ACTN2: variants seen among roughly 807,000 people sequenced by gnomAD.
The protein encoded by ACTN2 is actinin alpha 2, also known as alpha-actinin-2.
In ACTN2, 39 loss-of-function variants were observed where a neutral mutation model predicts 113.8. The ratio of observed to expected loss-of-function variants is 0.34; its 90% CI spans 0.27 to 0.45. ACTN2 has a LOEUF of 0.45. Among genes scored for constraint, ACTN2 ranks in the 20% least tolerant of loss-of-function variants. The pLI, the probability that ACTN2 is intolerant of heterozygous loss-of-function variation, is 1.00. For missense variants in ACTN2, 992 were observed against 1,177.9 expected (o/e 0.84, Z 2.31); for synonymous variants, 429 against 444.1 (o/e 0.97, Z 0.43).
rs1658381320 is a variant in ACTN2, at chr1:236,721,078, AGTTC to A, written c.448+888_448+891del. ...AGTCTCACTCTGGCACCCAGGCTGG[AGTTC>A]AGTGGCGCGATCTTGGCTCACTGCA... On this transcript the variant is annotated intron_variant, in intron 4 of 20. Coordinates refer to ENST00000366578, the MANE Select transcript of ACTN2 (RefSeq NM_001103.4). 9.6e-5 allele frequency among the ~76,000 whole-genome samples: 11 copies of A among 114,348 alleles called. No individual in the cohort carries two copies. The Admixed American group carries it at 1.1e-3, about 12-fold the overall frequency. The allele number at this position is 114,348 out of a possible 152,430, so 75.0% of individuals were successfully genotyped here. A position where few individuals can be genotyped will look rare whatever the true frequency, so the allele number is the denominator to read the frequency against.
chr1:236,710,736 C>T (rs550818959), intron 1 of ACTN2, among the ~76,000 whole-genome samples: 9 of 152,290 alleles, frequency 5.9e-5, no homozygotes, highest in South Asian at 4.1e-4. Context: ...ACCTGAACTC[C>T]GCCTCCTGTC....
At chr1:236,743,296 ATAAGGCC>A (rs1659128934) in intron 11 of ACTN2, among the ~76,000 whole-genome samples, 1 of 152,208 alleles carries the variant, frequency 6.6e-6, no homozygotes, top group Admixed American at 6.5e-5. Flanking sequence ...ACCTACCTAC[ATAAGGCC>A]TGGCCTCCTT....
chr1:236,692,237 T>C (rs1416776727), intron 1 of ACTN2, among the ~76,000 whole-genome samples: 1 of 152,198 alleles, frequency 6.6e-6, no homozygotes, highest in East Asian at 1.9e-4. Context: ...AATAACCACA[T>C]GTTGTTCCAC....
At chr1:236,701,945 G>A (rs1338173901) in intron 1 of ACTN2, among the ~76,000 whole-genome samples, 2 of 152,166 alleles carry the variant, frequency 1.3e-5, no homozygotes, top group Non-Finnish European at 2.9e-5. Flanking sequence ...TAGGGAAGCA[G>A]GAAAAATCAT....
intron 19 of ACTN2, 79 bp from the exon 20 acceptor site, chr1:236,760,936 C>T (rs1366962329): frequency 6.4e-7 from 1 of 1,570,188 alleles, no homozygotes; most frequent in East Asian, 2.2e-5. Context: ...ATTGGCATGT[C>T]ACCAGGGAAA....
At chr1:236,749,036 A>C in intron 13 of ACTN2, 88 bp from the exon 14 acceptor site, 1 of 1,388,004 alleles carries the variant, frequency 7.2e-7, no homozygotes. Flanking sequence ...ATATCAGAGA[A>C]TAGTCTGTTC....
chr1:236,755,225 G>T, intron 17 of ACTN2, 27 bp downstream of exon 17: 5 of 1,613,596 alleles, frequency 3.1e-6, no homozygotes, highest in Non-Finnish European at 4.2e-6. Flanking sequence ...GGCGTGTGCC[G>T]CTCACTTCTC....
rs1057460296 is a variant in ACTN2, at chr1:236,747,767, G to A, written c.1507G>A (p.Ala503Thr). Residue 503 changes from alanine to threonine, a missense_variant, in exon 13 of 21, where the codon GCC (alanine) becomes ACC (threonine). Around this residue, in one of 3 missense-constraint regions of ACTN2, gnomAD observed 736 missense variants for 815.4 expected, o/e 0.90. Transcript: ENST00000366578. ...AACGCTTACTCAGAAGAGGAGAGAA[G>A]CCCTAGAGGTGAAGTATTGAAGCCA... ...LGTLTQKRRE[A>T]LERMEKLLET... is the part of the protein sequence containing the mutation. 6.2e-7 allele frequency: 1 copy of A among 1,613,156 alleles called. No individual in the cohort carries two copies. The highest frequency in any genetic ancestry group is 1.7e-5 in the Admixed American group (1 of 59,984).
chr1:236,712,880 T>C (rs1658072444), intron 1 of ACTN2, among the ~76,000 whole-genome samples: 1 of 151,336 alleles, frequency 6.6e-6, no homozygotes, highest in African/African-American at 2.4e-5. Context: ...TTAAAAATTT[T>C]ATAAATGTTT....
At chr1:236,696,955 C>A (rs1190600477) in intron 1 of ACTN2, among the ~76,000 whole-genome samples, 1 of 146,320 alleles carries the variant, frequency 6.8e-6, no homozygotes, top group African/African-American at 2.5e-5. Context: ...AGCCACCGTG[C>A]CCGGCCATTG....
At position 236,721,015 on chromosome 1, in the gene ACTN2, G is replaced by GGTTTTTTTTTTTTTTTTTTTTTT; in HGVS notation, c.448+824_448+825insGTTTTTTTTTTTTTTTTTTTTTT. Among the ~76,000 whole-genome samples the GGTTTTTTTTTTTTTTTTTTTTTT allele has an allele frequency of 6.6e-3, 326 of 49,174 alleles. 153 individuals carry two copies. The highest frequency in any genetic ancestry group is 0.01 in the South Asian group (12 of 1,146). The allele number at this position is 49,174 out of a possible 152,430, so 32.3% of individuals were successfully genotyped here. A position where few individuals can be genotyped will look rare whatever the true frequency, so the allele number is the denominator to read the frequency against. ...ACAGTAGCCTCTGACTCTGGTTTTT[G>GGTTTTTTTTTTTTTTTTTTTTTT]TTTTTTGTTTTTTTTTTTTTTTTTT... On this transcript the variant is annotated intron_variant, in intron 4 of 20. Coordinates refer to ENST00000366578, the MANE Select transcript of ACTN2 (RefSeq NM_001103.4).
In ACTN2 at chr1:236,688,895, A is replaced by C. The variant is rs1665969199; in HGVS notation, c.126+2096A>C. On this transcript the variant is annotated intron_variant, in intron 1 of 20. Coordinates refer to ENST00000366578, the MANE Select transcript of ACTN2 (RefSeq NM_001103.4). Reference sequence around the variant, plus strand: ...CTGCCTTCTCCACACTTGCCATTTCAGTGATATGCTGGGTATGAGATCTGT... The same window carrying C: ...CTGCCTTCTCCACACTTGCCATTTCCGTGATATGCTGGGTATGAGATCTGT... 2.0e-5 allele frequency among the ~76,000 whole-genome samples: 3 copies of C among 152,132 alleles called. No homozygotes were observed. The South Asian group carries it at 6.2e-4, about 32-fold the overall frequency.
intron 1 of ACTN2, among the ~76,000 whole-genome samples, chr1:236,700,972 G>A (rs975290025): frequency 6.6e-6 from 1 of 152,206 alleles, no homozygotes; most frequent in African/African-American, 2.4e-5. Context: ...AGTAGCCGGT[G>A]ACCTTGGGCA....
chr1:236,754,019 C>T lies in ACTN2; in HGVS notation c.1912C>T (p.Leu638=). The change falls in exon 16 of 21, where the codon CTG becomes TTG. Residue 638 remains leucine, a synonymous_variant. Coordinates refer to ENST00000366578, the MANE Select transcript of ACTN2 (RefSeq NM_001103.4). The surrounding 1 kb of genome is among the most constrained non-coding windows in gnomAD (Gnocchi z 4.9). ...ELARQHANER[L]RRQFAAQANA... ...GGCTCGCCAGCATGCTAACGAGCGT[C>T]TGAGGCGCCAGTTTGCTGCCCAAGC... 1 of 1,614,146 alleles carries T rather than the reference C, an allele frequency of 6.2e-7. No homozygotes were observed.
At chr1:236,720,354 G>A (rs1364261064) in intron 4 of ACTN2, among the ~76,000 whole-genome samples, 163 bp downstream of exon 4, 1 of 152,122 alleles carries the variant, frequency 6.6e-6, no homozygotes, top group Non-Finnish European at 1.5e-5. Context: ...AAAAGACCTC[G>A]GCAGCACTGT....
At chr1:236,755,962 C>G (rs879345801) in intron 17 of ACTN2, among the ~76,000 whole-genome samples, 1 of 27,998 alleles carries the variant, frequency 3.6e-5, no homozygotes, top group Non-Finnish European at 6.4e-5. Flanking sequence ...CGTTAGAACC[C>G]TGGTAATAGA....
At position 236,737,036 on chromosome 1, in the gene ACTN2, T is replaced by C. The variant is rs895462554; in HGVS notation, c.784-86T>C. 6 of 1,137,422 alleles carry C rather than the reference T, an allele frequency of 5.3e-6. 1 individual carries two copies. The highest frequency in any genetic ancestry group is 5.0e-5 in the East Asian group (2 of 39,696). 70.5% of individuals were successfully genotyped at this position (1,137,422 alleles called of 1,614,324 possible). On this transcript the variant is annotated intron_variant, in intron 8 of 20. Transcript: ENST00000366578. ...CGTCTACAGCACGCCACCCTCCTCG[T>C]CCCCTCTCATCACCCACCTCGTTCC...
chr1:236,713,100 C>T (rs573631062), intron 1 of ACTN2, among the ~76,000 whole-genome samples: 12 of 151,806 alleles, frequency 7.9e-5, no homozygotes, highest in African/African-American at 2.2e-4. Flanking sequence ...CCCAAATATT[C>T]GTTCATAGGG....
At chr1:236,725,652 A>G (rs1417112394) in intron 4 of ACTN2, among the ~76,000 whole-genome samples, 39 of 152,000 alleles carry the variant, frequency 2.6e-4, no homozygotes, top group Non-Finnish European at 4.4e-5. Flanking sequence ...AAGTATTTTC[A>G]TTTAAAAAGG....
Sources: gnomAD v4.1 joint callset for allele counts (sites outside exome capture counted in the v4.1 genomes callset) on GRCh38, gnomAD v4.1.1 for gene constraint, gnomAD v4.1.1 regional missense constraint, Gnocchi (gnomAD v3.1) non-coding constraint, MANE v1.5 for transcripts, NCBI Gene and HGNC (gene_info 2026-07-23, HGNC 2026-07-21) for gene names.